The following SCD5 variants were observed in gnomAD, a reference collection of about 807,000 sequenced individuals.
The protein encoded by SCD5 is stearoyl-CoA desaturase 5.
SCD5 carries 20 observed loss-of-function variants against 30.4 expected under a neutral mutation model. That is an observed-to-expected ratio of 0.66 (90% CI 0.46 to 0.96). The LOEUF is 0.96. Ranked by LOEUF, SCD5 falls within the 40% of genes least tolerant of loss-of-function variation. The pLI, the probability that SCD5 is intolerant of heterozygous loss-of-function variation, is 0.00. For synonymous variants in SCD5, 173 were observed against 176.4 expected, an observed-to-expected ratio of 0.98 and a Z score of 0.16; for missense variants, 381 against 443.3, an observed-to-expected ratio of 0.86 and a Z score of 1.26.
chr4:82,723,707 G>A (rs969942862), intron 1 of SCD5, among the ~76,000 whole-genome samples: 1 of 152,144 alleles, frequency 6.6e-6, no homozygotes, highest in Non-Finnish European at 1.5e-5. Context: ...CAACCATGCC[G>A]GTAAGACTCA....
intron 2 of SCD5, 147 bp downstream of exon 2, chr4:82,705,136 A>AT (rs1719940944): frequency 2.0e-6 from 2 of 997,480 alleles, no homozygotes; most frequent in South Asian, 3.4e-5. Flanking sequence ...CTACAAAGAG[A>AT]TAAAAACTTG....
At chr4:82,653,013 T>C (rs774498598) in intron 3 of SCD5, among the ~76,000 whole-genome samples, 3 of 151,824 alleles carry the variant, frequency 2.0e-5, no homozygotes, top group Non-Finnish European at 2.9e-5. Context: ...TTAGCTTGGG[T>C]ATGGTGGTAC....
chr4:82,701,588 G>A (rs1226928709), intron 2 of SCD5, among the ~76,000 whole-genome samples: 1 of 152,288 alleles, frequency 6.6e-6, no homozygotes, highest in East Asian at 1.9e-4. Context: ...TGGGTGGCCT[G>A]AATCAGGACA....
intron 1 of SCD5, among the ~76,000 whole-genome samples, chr4:82,779,350 G>C: frequency 6.6e-6 from 1 of 152,196 alleles, no homozygotes; most frequent in East Asian, 1.9e-4. Flanking sequence ...GCCAAGGACA[G>C]CATGCAGCCT....
intron 1 of SCD5, among the ~76,000 whole-genome samples, chr4:82,759,273 A>G (rs1189544974): frequency 1.3e-5 from 2 of 152,174 alleles, no homozygotes; most frequent in East Asian, 3.9e-4. Context: ...AGCACTGCAT[A>G]TCTTGAAGGC....
At chr4:82,766,732 G>A (rs1721495345) in intron 1 of SCD5, among the ~76,000 whole-genome samples, 1 of 152,140 alleles carries the variant, frequency 6.6e-6, no homozygotes, top group Non-Finnish European at 1.5e-5. Flanking sequence ...CTTTGTTCTG[G>A]AATCCAGTTA....
At chr4:82,730,337 A>G (rs1457984424) in intron 1 of SCD5, among the ~76,000 whole-genome samples, 1 of 149,554 alleles carries the variant, frequency 6.7e-6, no homozygotes, top group Non-Finnish European at 1.5e-5. Flanking sequence ...TCGCTCTGTC[A>G]CCCAGCTGGA....
chr4:82,658,278 T>C (rs965796392), intron 3 of SCD5, among the ~76,000 whole-genome samples: 1 of 152,122 alleles, frequency 6.6e-6, no homozygotes, highest in African/African-American at 2.4e-5. Flanking sequence ...CATCAATACC[T>C]AGTTTATTGA....
chr4:82,777,648 C>A (rs1721772304), intron 1 of SCD5, among the ~76,000 whole-genome samples: 2 of 152,188 alleles, frequency 1.3e-5, no homozygotes, highest in African/African-American at 4.8e-5. Flanking sequence ...GCTATATTTT[C>A]ATTTTGTACT....
At chr4:82,744,134 T>C (rs561609118) in intron 1 of SCD5, among the ~76,000 whole-genome samples, 2 of 152,296 alleles carry the variant, frequency 1.3e-5, no homozygotes, top group Admixed American at 6.5e-5. Flanking sequence ...CTGAAAAAAG[T>C]TATCTCTTGA....
At chr4:82,712,185 T>C (rs1157474725) in intron 1 of SCD5, among the ~76,000 whole-genome samples, 3 of 130,362 alleles carry the variant, frequency 2.3e-5, no homozygotes, top group Non-Finnish European at 4.7e-5. Flanking sequence ...TAAAGTGCAG[T>C]TGCAGGACCC....
rs1051463747 is a variant in SCD5 at position 82,774,371 on chromosome 4, T to G, written c.232+23935A>C. On this transcript the variant is annotated intron_variant, in intron 1 of 4. Transcript: ENST00000319540. ...ACGCATTAACGCATGAAAAAACAGC[T>G]AACAAAACAAGGTTATAGTATAATT... 5.9e-5 allele frequency among the ~76,000 whole-genome samples: 9 copies of G among 151,988 alleles called. 1 individual carries two copies. The highest frequency in any genetic ancestry group is 1.7e-4 in the African/African-American group (7 of 41,386).
rs559713207 is a variant in SCD5 at position 82,730,710 on chromosome 4, C to G, written c.233-25297G>C. The stretch of plus-strand genomic sequence containing the variant: ...ACACCATTCTCCTGCCTCAGCCTCC[C>G]GAGTAGCTGGGACTACAGGCACCCA... On this transcript the variant is annotated intron_variant, in intron 1 of 4. Transcript: ENST00000319540. Among the ~76,000 whole-genome samples the G allele has an allele frequency of 1.5e-4, 23 of 151,382 alleles. No individual in the cohort carries two copies. The South Asian group carries it at 4.2e-3, about 28-fold the overall frequency.
Position 82,636,583 on chromosome 4 carries a change from C to G in SCD5, c.802+8G>C, listed in dbSNP as rs1387450999. On this transcript the variant is annotated splice_region_variant and intron_variant, in intron 4 of 4. Coordinates refer to ENST00000319540, the MANE Select transcript of SCD5 (RefSeq NM_001037582.3). The stretch of plus-strand genomic sequence containing the variant: ...TTCTCCCCATTGGCCCTCAACACCC[C>G]TACTCACCAATGGCACCCAGAGCGA... The G allele has an allele frequency of 6.2e-7, 1 of 1,610,904 alleles. No individual in the cohort carries two copies. The highest frequency in any genetic ancestry group is 1.1e-5 in the South Asian group (1 of 90,562).
intron 1 of SCD5, among the ~76,000 whole-genome samples, chr4:82,713,362 TAA>T (rs766018552): frequency 1.1e-4 from 16 of 152,312 alleles, no homozygotes; most frequent in Middle Eastern, 3.4e-3. Context: ...AGCAGATCAC[TAA>T]GAAACACAAA....
At chr4:82,712,275 TATATATATATATATATATA>T (rs1720117412) in intron 1 of SCD5, among the ~76,000 whole-genome samples, 3 of 50,616 alleles carry the variant, frequency 5.9e-5, no homozygotes, top group African/African-American at 3.6e-4. Flanking sequence ...TATATATATA[TATATATATATATATATATA>T]TATTTTATTT....
intron 3 of SCD5, among the ~76,000 whole-genome samples, chr4:82,638,833 G>A (rs189296855): frequency 3.2e-4 from 48 of 152,292 alleles, no homozygotes; most frequent in Admixed American, 2.1e-3. Context: ...CACACTATGT[G>A]CTTACCATAT....
chr4:82,683,232 T>C (rs938814860), intron 2 of SCD5, among the ~76,000 whole-genome samples: 7 of 152,220 alleles, frequency 4.6e-5, no homozygotes, highest in Non-Finnish European at 8.8e-5. Flanking sequence ...TTAAACATGG[T>C]GGTTGGACAG....
chr4:82,728,019 A>G (rs540481495), intron 1 of SCD5, among the ~76,000 whole-genome samples: 1 of 152,174 alleles, frequency 6.6e-6, no homozygotes, highest in Admixed American at 6.5e-5. Context: ...TCTAGTCTTG[A>G]GCCTTTTAAT....
Sources: gnomAD v4.1 joint callset for allele counts (sites outside exome capture counted in the v4.1 genomes callset) on GRCh38, gnomAD v4.1.1 for gene constraint, MANE v1.5 for transcripts, NCBI Gene and HGNC (gene_info 2026-07-23, HGNC 2026-07-21) for gene names.